Variants in COL23A1 observed in about 807,000 individuals in gnomAD.
COL23A1 encodes collagen alpha-1(XXIII) chain.
A neutral mutation model predicts 99.3 loss-of-function variants in COL23A1; 97 were observed. That is an observed-to-expected ratio of 0.98 (90% confidence interval 0.83 to 1.16). The LOEUF (loss-of-function observed/expected upper bound fraction) is 1.16. Ranked by LOEUF, COL23A1 falls within the 50% of genes most tolerant of loss-of-function variation. COL23A1 has a pLI of 0.00. For synonymous variants in COL23A1, 320 were observed against 308.2 expected, an observed-to-expected ratio of 1.04 and a Z score of -0.40; for missense variants, 762 against 757.4, an observed-to-expected ratio of 1.01 and a Z score of -0.07.
chr5:178,341,734 CCT>C (rs1357799756), intron 2 of COL23A1, among the ~76,000 whole-genome samples: 3 of 151,954 alleles, frequency 2.0e-5, no homozygotes, highest in Non-Finnish European at 4.4e-5. Flanking sequence ...CTCCCACTCA[CCT>C]CTCTCCCTCA....
chr5:178,540,758 C>CA (rs1761241393), intron 2 of COL23A1, among the ~76,000 whole-genome samples: 1 of 151,960 alleles, frequency 6.6e-6, no homozygotes, highest in Non-Finnish European at 1.5e-5. Flanking sequence ...TCCATCTCTA[C>CA]AAAAAAATCT....
chr5:178,249,956 T>C (rs1256410437), intron 18 of COL23A1, 105 bp downstream of exon 18: 2 of 1,406,712 alleles, frequency 1.4e-6, no homozygotes, highest in Non-Finnish European at 2.0e-6. Flanking sequence ...ACACATGGTG[T>C]TTCTCTAACT....
chr5:178,531,901 C>G (rs564547093), intron 2 of COL23A1, among the ~76,000 whole-genome samples: 42 of 152,332 alleles, frequency 2.8e-4, no homozygotes, highest in Non-Finnish European at 4.9e-4. Flanking sequence ...TCCTCTCAGT[C>G]CTGGAGTCAC....
rs1262974225 is a variant in COL23A1 at position 178,310,950 on chromosome 5, G to C, written c.362-4031C>G. Among the ~76,000 whole-genome samples the C allele has an allele frequency of 6.6e-6, 1 of 152,164 alleles. No individual in the cohort carries two copies. The highest frequency in any genetic ancestry group is 1.5e-5 in the Non-Finnish European group (1 of 68,044). ...GTCTTGATTGATCTGCTCATGTGGAGAAGGGGAAACTGAGGCTGCAAGGGA... is the reference window on the plus strand; with the variant it reads ...GTCTTGATTGATCTGCTCATGTGGACAAGGGGAAACTGAGGCTGCAAGGGA... On this transcript the variant is annotated intron_variant, in intron 2 of 28. Transcript: ENST00000390654. This position sits in a 1 kb window ranked among gnomAD's most constrained non-coding sequence, Gnocchi z 4.3.
chr5:178,316,866 T>G (rs1759009961), intron 2 of COL23A1, among the ~76,000 whole-genome samples: 1 of 151,738 alleles, frequency 6.6e-6, no homozygotes, highest in South Asian at 2.1e-4. Flanking sequence ...AAAAAAACGT[T>G]GCTTGGCATT....
intron 3 of COL23A1, among the ~76,000 whole-genome samples, chr5:178,294,261 C>T (rs111512273): frequency 9.0e-5 from 13 of 144,488 alleles, no homozygotes; most frequent in South Asian, 2.2e-4. Context: ...AAATCACTAC[C>T]GAGCTCCCTC....
At chr5:178,282,496 C>T (rs575949661) in intron 5 of COL23A1, among the ~76,000 whole-genome samples, 2 of 152,314 alleles carry the variant, frequency 1.3e-5, no homozygotes, top group African/African-American at 2.4e-5. Flanking sequence ...ATCCTGGCCC[C>T]GGCCCTGCTA....
At chr5:178,506,596 C>A (rs1321026236) in intron 2 of COL23A1, among the ~76,000 whole-genome samples, 1 of 152,152 alleles carries the variant, frequency 6.6e-6, no homozygotes, top group African/African-American at 2.4e-5. Context: ...CACTCCTGAC[C>A]ATATTAACGC....
At chr5:178,378,673 G>C (rs1007105250) in intron 2 of COL23A1, among the ~76,000 whole-genome samples, 1 of 152,208 alleles carries the variant, frequency 6.6e-6, no homozygotes, top group Non-Finnish European at 1.5e-5. Flanking sequence ...TGCAGGATAC[G>C]CAGGGATGGA....
chr5:178,409,489 A>AT (rs1764954285), intron 2 of COL23A1, among the ~76,000 whole-genome samples: 1 of 151,298 alleles, frequency 6.6e-6, no homozygotes, highest in African/African-American at 2.4e-5. Flanking sequence ...TATTTACACT[A>AT]GTGTGTGTGT....
intron 2 of COL23A1, among the ~76,000 whole-genome samples, chr5:178,358,755 G>A (rs1402131798): frequency 7.2e-6 from 1 of 138,268 alleles, no homozygotes; most frequent in African/African-American, 2.6e-5. Context: ...GTGTGTATCT[G>A]TGTGTGTGTA....
At chr5:178,283,708 A>G (rs1757016687) in intron 5 of COL23A1, among the ~76,000 whole-genome samples, 1 of 152,220 alleles carries the variant, frequency 6.6e-6, no homozygotes, top group South Asian at 2.1e-4. Flanking sequence ...TAAATAGGAG[A>G]TGATGAGAAA....
At chr5:178,319,279 C>T (rs1489772090) in intron 2 of COL23A1, among the ~76,000 whole-genome samples, 1 of 152,184 alleles carries the variant, frequency 6.6e-6, no homozygotes, top group Admixed American at 6.5e-5. Flanking sequence ...AACCAGCACA[C>T]CCCAAAGATC....
At chr5:178,576,952 G>C (rs990910053) in intron 1 of COL23A1, among the ~76,000 whole-genome samples, 1 of 151,636 alleles carries the variant, frequency 6.6e-6, no homozygotes, top group Non-Finnish European at 1.5e-5. Flanking sequence ...CGTCTTCCCC[G>C]CTGCGCCCCG....
chr5:178,482,274 G>T (rs1354169829), intron 2 of COL23A1, among the ~76,000 whole-genome samples: 2 of 151,952 alleles, frequency 1.3e-5, no homozygotes, highest in Non-Finnish European at 2.9e-5. Flanking sequence ...GCCTTAAATG[G>T]GAATGAAGTT....
chr5:178,307,084 C>T lies in COL23A1; in HGVS notation c.362-165G>A. The T allele has an allele frequency of 1.9e-6, 1 of 518,518 alleles. No individual in the cohort carries two copies. 32.1% of individuals were successfully genotyped at this position (518,518 alleles called of 1,614,324 possible). A position where few individuals can be genotyped will look rare whatever the true frequency, so the allele number is the denominator to read the frequency against. ...GAGGGGGAGATGCGTGGGGAGAAAC[C>T]CCTTCCTTCTGCCACTACCTCGCCT... On this transcript the variant is annotated intron_variant, in intron 2 of 28. Transcript: ENST00000390654. This position sits in a 1 kb window ranked among gnomAD's most constrained non-coding sequence, Gnocchi z 4.2.
At chr5:178,291,721 C>T (rs1302391685) in intron 3 of COL23A1, among the ~76,000 whole-genome samples, 2 of 151,840 alleles carry the variant, frequency 1.3e-5, no homozygotes, top group East Asian at 3.9e-4. Context: ...CTGAGGTGTC[C>T]CCATGCAGGT....
intron 2 of COL23A1, among the ~76,000 whole-genome samples, chr5:178,329,801 C>T (rs1240957417): frequency 6.6e-6 from 1 of 152,034 alleles, no homozygotes; most frequent in Non-Finnish European, 1.5e-5. Flanking sequence ...GCCAGGCGTG[C>T]TGGTAGGAGT....
At chr5:178,424,803 T>C (rs893347803) in intron 2 of COL23A1, among the ~76,000 whole-genome samples, 2 of 152,160 alleles carry the variant, frequency 1.3e-5, no homozygotes, top group Non-Finnish European at 2.9e-5. Flanking sequence ...TGATAATCTC[T>C]CCTCCCAACT....
Sources: gnomAD v4.1 joint callset for allele counts (sites outside exome capture counted in the v4.1 genomes callset) on GRCh38, gnomAD v4.1.1 for gene constraint, Gnocchi (gnomAD v3.1) non-coding constraint, MANE v1.5 for transcripts, NCBI Gene and HGNC (gene_info 2026-07-23, HGNC 2026-07-21) for gene names.